Variants in PLPP4 observed in about 807,000 individuals in gnomAD.
PLPP4 encodes phospholipid phosphatase 4.
PLPP4 carries 20 observed loss-of-function variants against 32.2 expected under a neutral mutation model. That is an observed-to-expected ratio of 0.62 (90% CI 0.44 to 0.90). PLPP4 has a LOEUF of 0.90. Among genes scored for constraint, PLPP4 ranks in the 40% least tolerant of loss-of-function variants. The probability of loss-of-function intolerance (pLI) is 0.00; values close to 1 mark genes in which losing one functional copy is unlikely to be tolerated. For synonymous variants in PLPP4, 127 were observed against 133.0 expected, an observed-to-expected ratio of 0.95 and a Z score of 0.31; for missense variants, 257 against 353.1, an observed-to-expected ratio of 0.73 and a Z score of 2.18.
chr10:120,483,025 G>A (rs1015113414), intron 1 of PLPP4, among the ~76,000 whole-genome samples: 2 of 152,212 alleles, frequency 1.3e-5, no homozygotes, highest in African/African-American at 4.8e-5. Flanking sequence ...TCAGCTGCTA[G>A]TGTGGCTAGA....
chr10:120,586,276 G>A (rs1849755656), intron 6 of PLPP4, among the ~76,000 whole-genome samples: 1 of 150,384 alleles, frequency 6.6e-6, no homozygotes, highest in Non-Finnish European at 1.5e-5. Context: ...CTGAGATTAA[G>A]GCACATGCCA....
At chr10:120,524,682 A>G (rs931838478) in intron 5 of PLPP4, among the ~76,000 whole-genome samples, 4 of 152,214 alleles carry the variant, frequency 2.6e-5, no homozygotes, top group Admixed American at 6.5e-5. Context: ...TCCCCATGGC[A>G]GCGTTTTTAT....
intron 1 of PLPP4, among the ~76,000 whole-genome samples, chr10:120,467,731 A>T (rs2463158): frequency 0.47 from 30,181 of 63,850 alleles, 13,245 homozygotes; most frequent in South Asian, 0.78. Context: ...AATCCGTGAT[A>T]TTTTTATGTT....
intron 5 of PLPP4, among the ~76,000 whole-genome samples, chr10:120,552,745 T>C (rs1847969624): frequency 6.6e-6 from 1 of 152,236 alleles, no homozygotes; most frequent in African/African-American, 2.4e-5. Context: ...GAACACAAAC[T>C]AACTTTCACC....
At chr10:120,568,897 G>A (rs1848804895) in intron 5 of PLPP4, among the ~76,000 whole-genome samples, 1 of 152,160 alleles carries the variant, frequency 6.6e-6, no homozygotes, top group Non-Finnish European at 1.5e-5. Context: ...TTTCATCAAG[G>A]AGTGTGGGGT....
intron 5 of PLPP4, among the ~76,000 whole-genome samples, chr10:120,546,457 C>A (rs1365677946): frequency 6.6e-6 from 1 of 152,184 alleles, no homozygotes; most frequent in Admixed American, 6.5e-5. Flanking sequence ...CTCATCAATT[C>A]CTTTAATAAC....
At chr10:120,577,711 A>C (rs1383712260) in intron 6 of PLPP4, among the ~76,000 whole-genome samples, 1 of 152,190 alleles carries the variant, frequency 6.6e-6, no homozygotes, top group Non-Finnish European at 1.5e-5. Context: ...CTGAATGTGC[A>C]TCTCTTGGTA....
intron 1 of PLPP4, among the ~76,000 whole-genome samples, chr10:120,498,627 G>A (rs1589769066): frequency 6.6e-6 from 1 of 150,654 alleles, no homozygotes; most frequent in East Asian, 1.9e-4. Context: ...CCTGAGTTAT[G>A]TACATAGACA....
intron 1 of PLPP4, among the ~76,000 whole-genome samples, chr10:120,484,845 A>G (rs1844371397): frequency 1.3e-5 from 2 of 152,168 alleles, no homozygotes; most frequent in African/African-American, 4.8e-5. Context: ...TATTCAGATG[A>G]CCCTGAGATG....
chr10:120,519,462 C>G (rs1052463628), intron 4 of PLPP4, among the ~76,000 whole-genome samples: 5 of 151,458 alleles, frequency 3.3e-5, no homozygotes, highest in Non-Finnish European at 7.4e-5. Context: ...CACACTAGAT[C>G]CCCTCTCAGA....
intron 5 of PLPP4, among the ~76,000 whole-genome samples, chr10:120,543,154 CTAAG>C (rs1474116606): frequency 6.6e-6 from 1 of 152,188 alleles, no homozygotes; most frequent in African/African-American, 2.4e-5. Context: ...CCTGCCACAG[CTAAG>C]TGAGTAACAT....
rs1278398092 is a variant in PLPP4 at position 120,589,463 on chromosome 10, C to T, written c.777C>T (p.Pro259=). 1 of 1,614,054 alleles carries T rather than the reference C, an allele frequency of 6.2e-7. No homozygotes were observed. Among genetic ancestry groups the T allele is most frequent in the Non-Finnish European group, 8.5e-7 (1 of 1,180,038 alleles). Residue 259 remains proline (P), a synonymous_variant, in exon 7 of 7, where the codon CCC becomes CCT. Coordinates refer to ENST00000398250, the MANE Select transcript of PLPP4 (RefSeq NM_001030059.3). The stretch of plus-strand genomic sequence containing the variant: ...AGAGGCCCACAGCTGACAGCGCACC[C>T]AGCTTGCCTCTGGAGGGGATCACCG... ...KEERPTADSA[P]SLPLEGITEG...
chr10:120,495,924 T>C (rs535369845), intron 1 of PLPP4, among the ~76,000 whole-genome samples: 21 of 152,278 alleles, frequency 1.4e-4, no homozygotes, highest in Middle Eastern at 3.4e-3. Context: ...ACAATGGCCT[T>C]GGAAGGTATG....
chr10:120,546,922 A>G (rs144861697), intron 5 of PLPP4, among the ~76,000 whole-genome samples: 12 of 152,302 alleles, frequency 7.9e-5, no homozygotes, highest in African/African-American at 2.4e-4. Context: ...GCACAGTTCT[A>G]TGATTGTTTT....
At chr10:120,484,789 C>A (rs190352634) in intron 1 of PLPP4, among the ~76,000 whole-genome samples, 1 of 152,164 alleles carries the variant, frequency 6.6e-6, no homozygotes, top group African/African-American at 2.4e-5. Flanking sequence ...GAACGTATAA[C>A]CTTACATGGC....
chr10:120,592,053 G>T lies in PLPP4; in HGVS notation c.*2551G>T, dbSNP rs1050506602. On this transcript the variant is annotated 3_prime_UTR_variant, in exon 7 of 7. Coordinates refer to ENST00000398250, the MANE Select transcript of PLPP4 (RefSeq NM_001030059.3). ...AACATCACAGTGTACCAATTAAATG[G>T]CCATAATGAGAACGTTTATTCCTCA... is the stretch of plus-strand genomic sequence containing the variant. 2.6e-5 allele frequency among the ~76,000 whole-genome samples: 4 copies of T among 152,092 alleles called. No individual in the cohort carries two copies. The highest frequency in any genetic ancestry group is 9.7e-5 in the African/African-American group (4 of 41,390).
At chr10:120,464,406 A>G (rs1848220910) in intron 1 of PLPP4, among the ~76,000 whole-genome samples, 1 of 152,192 alleles carries the variant, frequency 6.6e-6, no homozygotes, top group African/African-American at 2.4e-5. Context: ...GAGAAACACC[A>G]TAGGTGTCTA....
chr10:120,561,683 G>T (rs1317350594), intron 5 of PLPP4, among the ~76,000 whole-genome samples: 1 of 152,224 alleles, frequency 6.6e-6, no homozygotes, highest in Non-Finnish European at 1.5e-5. Context: ...ATACAGTTGT[G>T]GTCATTCAGG....
chr10:120,477,242 C>CAAAAAAAAAAAA (rs140983897), intron 1 of PLPP4, among the ~76,000 whole-genome samples: 25 of 140,654 alleles, frequency 1.8e-4, no homozygotes, highest in South Asian at 6.9e-4. Context: ...CAGAACGGTT[C>CAAAAAAAAAAAA]AAAAAGAAAA....
Sources: gnomAD v4.1 joint callset for allele counts (sites outside exome capture counted in the v4.1 genomes callset) on GRCh38, gnomAD v4.1.1 for gene constraint, MANE v1.5 for transcripts, NCBI Gene and HGNC (gene_info 2026-07-23, HGNC 2026-07-21) for gene names.